ISM1: variants seen among roughly 807,000 people sequenced by gnomAD.
The protein encoded by ISM1 is isthmin 1.
Under a neutral mutation model 46.3 loss-of-function variants are expected in ISM1, and 25 were observed. The observed-to-expected ratio is 0.54, with a 90% confidence interval of 0.39 to 0.75. ISM1 has a LOEUF of 0.75. ISM1 is among the 30% of genes least tolerant of loss of function. The pLI is 0.00. For synonymous variants in ISM1, 255 were observed against 256.7 expected (o/e 0.99, Z 0.06); for missense variants, 536 against 625.4 (o/e 0.86, Z 1.52).
Position 13,221,893 on chromosome 20 carries a change from C to T in ISM1, c.117C>T (p.Asn39=). ...AADGPDAAAG[N]ASQAQLQNNL... ...ACGGGCCCGACGCGGCCGCGGGCAA[C>T]GCCAGCCAAGCCCAGCTGCAGGTGA... Residue 39 remains asparagine (N), a synonymous_variant, in exon 1 of 6, where the codon AAC becomes AAT. Coordinates refer to ENST00000262487, the MANE Select transcript of ISM1 (RefSeq NM_080826.2). 2 of 1,387,822 alleles carry T rather than the reference C, an allele frequency of 1.4e-6. No individual in the cohort carries two copies. The highest frequency in any genetic ancestry group is 1.6e-5 in the South Asian group (1 of 61,006). The allele number at this position is 1,387,822 out of a possible 1,614,324, so 86.0% of individuals were successfully genotyped here. A position where few individuals can be genotyped will look rare whatever the true frequency, so the allele number is the denominator to read the frequency against.
the ISM1 span, among the ~76,000 whole-genome samples, chr20:13,309,660 T>G: frequency 6.6e-6 from 1 of 152,172 alleles, no homozygotes; most frequent in African/African-American, 2.4e-5. Context: ...TGAATTTATC[T>G]CTGTTTGCAG....
the ISM1 span, among the ~76,000 whole-genome samples, chr20:13,325,776 C>T: frequency 2.0e-5 from 3 of 152,088 alleles, no homozygotes; most frequent in South Asian, 2.1e-4. Flanking sequence ...GTAATTACTC[C>T]GAGAACTGAC....
Position 13,270,595 on chromosome 20 carries a change from C to T in ISM1, c.230C>T (p.Ala77Val), listed in dbSNP as rs747621145. 4.3e-6 allele frequency: 7 copies of T among 1,613,892 alleles called. No individual in the cohort carries two copies. In the East Asian group the frequency reaches 8.9e-5, roughly 21 times the overall value. ...AGGGAGCATCTGGACCACCAGGCTG[C>T]ACACCAACCCTTCCCCAGACCGCGA... The part of the protein sequence containing the change: ...APREHLDHQA[A>V]HQPFPRPRFR... The change falls in exon 2 of 6, where the codon GCA becomes GTA. Residue 77 changes from alanine (A) to valine (V), a missense_variant. By Grantham distance (64) the Ala-to-Val change is moderately conservative. Transcript: ENST00000262487.
At chr20:13,253,862 C>CATATAT (rs546741165) in intron 1 of ISM1, among the ~76,000 whole-genome samples, 11 of 140,164 alleles carry the variant, frequency 7.8e-5, no homozygotes, top group African/African-American at 3.0e-4. Context: ...CATCCATATC[C>CATATAT]ATATATATAT....
At chr20:13,295,327 T>G (rs1295941857) in intron 5 of ISM1, among the ~76,000 whole-genome samples, 1 of 152,186 alleles carries the variant, frequency 6.6e-6, no homozygotes, top group East Asian at 1.9e-4. Flanking sequence ...TCACAAACTT[T>G]CCATGGCTCC....
At chr20:13,222,187 G>A (rs1052641466) in intron 1 of ISM1, among the ~76,000 whole-genome samples, 8 of 152,182 alleles carry the variant, frequency 5.3e-5, no homozygotes, top group African/African-American at 1.9e-4. Flanking sequence ...GGGGAGGTGG[G>A]AAGGAGCGAG....
downstream of ISM1, among the ~76,000 whole-genome samples, chr20:13,303,364 G>T (rs2040474520): frequency 6.6e-6 from 1 of 152,308 alleles, no homozygotes; most frequent in African/African-American, 2.4e-5. Context: ...AAAGGATTTT[G>T]TGGTTCTATA....
chr20:13,269,442 G>A (rs1302685347), intron 1 of ISM1, among the ~76,000 whole-genome samples: 1 of 152,210 alleles, frequency 6.6e-6, no homozygotes, highest in Admixed American at 6.5e-5. Context: ...ATTTCAGAAT[G>A]CCTTTTCGTG....
At chr20:13,240,191 T>C (rs144211830) in intron 1 of ISM1, among the ~76,000 whole-genome samples, 10 of 152,372 alleles carry the variant, frequency 6.6e-5, no homozygotes, top group Non-Finnish European at 1.5e-4. Context: ...TCAGCAGATA[T>C]TGTGCTAGGC....
intron 1 of ISM1, among the ~76,000 whole-genome samples, chr20:13,232,641 A>G (rs1337073242): frequency 6.6e-6 from 1 of 152,194 alleles, no homozygotes; most frequent in Non-Finnish European, 1.5e-5. Context: ...TTGGGTGAAT[A>G]CTTTGGAGCA....
chr20:13,262,594 G>A (rs1239652918), intron 1 of ISM1, among the ~76,000 whole-genome samples: 14 of 151,938 alleles, frequency 9.2e-5, no homozygotes, highest in East Asian at 3.9e-4. Context: ...AAAAGAAATC[G>A]GTCCTGGAAA....
intron 1 of ISM1, among the ~76,000 whole-genome samples, chr20:13,236,961 G>A (rs936193127): frequency 6.6e-6 from 1 of 152,200 alleles, no homozygotes; most frequent in African/African-American, 2.4e-5. Context: ...GGTGCAAGCT[G>A]TCGGTAGATC....
chr20:13,309,272 A>C, the ISM1 span, among the ~76,000 whole-genome samples: 1 of 152,070 alleles, frequency 6.6e-6, no homozygotes, highest in Non-Finnish European at 1.5e-5. Flanking sequence ...TTTAGAGGTA[A>C]CATTTTATTT....
intron 2 of ISM1, among the ~76,000 whole-genome samples, chr20:13,278,420 T>C (rs1277725166): frequency 6.6e-6 from 1 of 152,216 alleles, no homozygotes; most frequent in Non-Finnish European, 1.5e-5. Flanking sequence ...CTTGTACTTA[T>C]GTCTCTATAC....
chr20:13,260,652 T>C (rs2039979181), intron 1 of ISM1, among the ~76,000 whole-genome samples: 1 of 150,302 alleles, frequency 6.7e-6, no homozygotes, highest in African/African-American at 2.4e-5. Flanking sequence ...AGAACAAGTG[T>C]CTCTTTAGGA....
chr20:13,284,729 C>CG (rs2040272975), intron 3 of ISM1, among the ~76,000 whole-genome samples: 2 of 152,074 alleles, frequency 1.3e-5, no homozygotes, highest in African/African-American at 2.4e-5. Context: ...ATACTTCTTC[C>CG]TAGGAGGCAG....
intron 1 of ISM1, among the ~76,000 whole-genome samples, chr20:13,236,664 A>G (rs1335506241): frequency 1.3e-5 from 2 of 152,220 alleles, no homozygotes; most frequent in East Asian, 1.9e-4. Flanking sequence ...CCTAGATACA[A>G]TGGGGGTACA....
chr20:13,221,687 G>T lies in ISM1; in HGVS notation c.-90G>T. ...AGCCGAGGCGGGAGCCGCGCTGCCG[G>T]GCTCCCGGGCTCCTACTCCTCCTCC... On this transcript the variant is annotated 5_prime_UTR_variant, in exon 1 of 6. Transcript: ENST00000262487. 8.8e-7 allele frequency: 1 copy of T among 1,130,932 alleles called. No individual in the cohort carries two copies. Among genetic ancestry groups the T allele is most frequent in the South Asian group, 3.4e-5 (1 of 29,138 alleles). The allele number at this position is 1,130,932 out of a possible 1,614,324, so 70.1% of individuals were successfully genotyped here.
chr20:13,273,202 C>G (rs2040135310), intron 2 of ISM1, among the ~76,000 whole-genome samples: 2 of 71,436 alleles, frequency 2.8e-5, no homozygotes, highest in South Asian at 7.2e-4. Context: ...CTACCTAGAC[C>G]TCACTTGGGT....
Sources: allele counts gnomAD v4.1 joint callset (sites outside exome capture counted in the v4.1 genomes callset), GRCh38; gene constraint gnomAD v4.1.1; transcripts MANE v1.5; gene names NCBI Gene and HGNC (gene_info 2026-07-23, HGNC 2026-07-21).